Variants in PALS1 observed in about 807,000 individuals in gnomAD.
PALS1 encodes protein associated with LIN7 1, MAGUK p55 family member.
PALS1 carries 31 observed loss-of-function variants against 78.9 expected under a neutral mutation model. The ratio of observed to expected loss-of-function variants is 0.39; its 90% confidence interval spans 0.30 to 0.53. The LOEUF (loss-of-function observed/expected upper bound fraction) is 0.53. Ranked by LOEUF, PALS1 falls within the 20% of genes least tolerant of loss-of-function variation. PALS1 has a pLI of 0.67. For missense variants in PALS1, 704 were observed against 826.5 expected, an observed-to-expected ratio of 0.85 and a Z score of 1.82; for synonymous variants, 276 against 270.9, an observed-to-expected ratio of 1.02 and a Z score of -0.18.
At position 67,323,826 on chromosome 14, in the gene PALS1, A is replaced by G. The variant is rs765212333; in HGVS notation, c.1851+14A>G. ...AAGAATCCAAAGGTAAAGTTTTCAC[A>G]CTATTGTACTATTCCATTGAAGGTA... On this transcript the variant is annotated intron_variant, in intron 14 of 14. Coordinates refer to ENST00000261681, the MANE Select transcript of PALS1 (RefSeq NM_022474.4). The G allele has an allele frequency of 1.6e-6, 2 of 1,287,886 alleles. No individual in the cohort carries two copies. Among genetic ancestry groups the G allele is most frequent in the Non-Finnish European group, 1.1e-6 (1 of 902,408 alleles). 79.8% of individuals were successfully genotyped at this position (1,287,886 alleles called of 1,614,324 possible).
intron 8 of PALS1, among the ~76,000 whole-genome samples, chr14:67,304,675 G>C (rs1028100960): frequency 6.6e-6 from 1 of 152,180 alleles, no homozygotes; most frequent in Admixed American, 6.5e-5. Context: ...TCAGTACCAA[G>C]TTTCTTTTTG....
At chr14:67,281,220 C>T (rs1231518954) in intron 3 of PALS1, among the ~76,000 whole-genome samples, 1 of 152,022 alleles carries the variant, frequency 6.6e-6, no homozygotes, top group Non-Finnish European at 1.5e-5. Flanking sequence ...GTTTCTACTA[C>T]ATCACATCAT....
Position 67,285,615 on chromosome 14 carries a change from G to A in PALS1, c.367+6078G>A, listed in dbSNP as rs1437406676. Reference sequence around the variant, plus strand: ...CGATCTCTGATCTCCTGATCCAGCCGCCTCGGTCTCCCAAAGTACTGGGAT... The same window carrying A: ...CGATCTCTGATCTCCTGATCCAGCCACCTCGGTCTCCCAAAGTACTGGGAT... On this transcript the variant is annotated intron_variant, in intron 3 of 14. Transcript: ENST00000261681. Among the ~76,000 whole-genome samples the A allele has an allele frequency of 5.9e-5, 9 of 152,132 alleles. 2 individuals are homozygous for A. Among genetic ancestry groups the A allele is most frequent in the Middle Eastern group, 3.4e-3 (1 of 294 alleles).
chr14:67,247,173 A>G (rs765709054), intron 1 of PALS1, among the ~76,000 whole-genome samples: 27 of 152,216 alleles, frequency 1.8e-4, no homozygotes, highest in Admixed American at 1.1e-3. Context: ...CTTCTCATCT[A>G]TGAACATGCT....
chr14:67,269,131 G>A (rs937966646), intron 1 of PALS1, among the ~76,000 whole-genome samples: 4 of 152,102 alleles, frequency 2.6e-5, no homozygotes, highest in African/African-American at 9.7e-5. Context: ...GTATGTGGTC[G>A]TGGTCCTTTG....
At chr14:67,301,195 T>G (rs1260866242) in intron 4 of PALS1, among the ~76,000 whole-genome samples, 194 bp from the exon 5 acceptor site, 10 of 152,086 alleles carry the variant, frequency 6.6e-5, no homozygotes, top group Non-Finnish European at 1.5e-5. Flanking sequence ...TTATTTAGTG[T>G]TTTTTTAATA....
At chr14:67,245,204 T>C (rs1001741080) in intron 1 of PALS1, among the ~76,000 whole-genome samples, 1 of 152,250 alleles carries the variant, frequency 6.6e-6, no homozygotes, top group African/African-American at 2.4e-5. Flanking sequence ...TTTGTTACAT[T>C]GGCATAGGAA....
intron 1 of PALS1, among the ~76,000 whole-genome samples, chr14:67,269,041 C>A (rs1423300885): frequency 6.6e-6 from 1 of 152,174 alleles, no homozygotes; most frequent in Non-Finnish European, 1.5e-5. Context: ...CCATTCACCC[C>A]CAGTTTTAGG....
chr14:67,300,197 G>C (rs761708509), intron 4 of PALS1, among the ~76,000 whole-genome samples: 1 of 152,104 alleles, frequency 6.6e-6, no homozygotes, highest in Non-Finnish European at 1.5e-5. Flanking sequence ...TACTGTCATT[G>C]CTTTGATCCA....
At chr14:67,276,159 C>T (rs1595577777) in intron 2 of PALS1, among the ~76,000 whole-genome samples, 1 of 151,796 alleles carries the variant, frequency 6.6e-6, no homozygotes, top group East Asian at 2.0e-4. Flanking sequence ...TCATGTCATC[C>T]TCTGCTTAAA....
chr14:67,310,906 CTCATTTTAGTCA>C, intron 8 of PALS1, among the ~76,000 whole-genome samples: 1 of 152,098 alleles, frequency 6.6e-6, no homozygotes, highest in Non-Finnish European at 1.5e-5. Flanking sequence ...ATCGACAGTA[CTCATTTTAGTCA>C]GTGTCTCAAG....
chr14:67,290,462 G>T (rs2084755288), intron 3 of PALS1, among the ~76,000 whole-genome samples: 1 of 152,148 alleles, frequency 6.6e-6, no homozygotes, highest in African/African-American at 2.4e-5. Context: ...GAGTGCAGTA[G>T]CGTGATCATG....
intron 3 of PALS1, among the ~76,000 whole-genome samples, chr14:67,287,545 T>G (rs1409770846): frequency 6.6e-6 from 1 of 152,194 alleles, no homozygotes; most frequent in Middle Eastern, 3.2e-3. Flanking sequence ...ATTAAAAGAT[T>G]GATAATTCTT....
intron 7 of PALS1, 58 bp downstream of exon 7, chr14:67,302,629 TTAGAA>T (rs2084947903): frequency 2.4e-6 from 3 of 1,259,982 alleles, no homozygotes; most frequent in Non-Finnish European, 3.1e-6. Flanking sequence ...TTATTAGACT[TTAGAA>T]TAAAATATTT....
At chr14:67,279,657 C>T in intron 3 of PALS1, 120 bp downstream of exon 3, 1 of 998,198 alleles carries the variant, frequency 1.0e-6, no homozygotes, top group Non-Finnish European at 1.4e-6. Flanking sequence ...GAATTCCAGA[C>T]CAAGATCCTT....
intron 4 of PALS1, 27 bp from the exon 5 acceptor site, chr14:67,301,362 A>G: frequency 6.5e-7 from 1 of 1,542,028 alleles, no homozygotes; most frequent in Non-Finnish European, 8.9e-7. Flanking sequence ...TAATCTAGGA[A>G]GAATAATCTT....
intron 1 of PALS1, chr14:67,254,358 T>A (rs1197792244): frequency 6.6e-6 from 1 of 152,124 alleles, no homozygotes; most frequent in South Asian, 2.1e-4. Flanking sequence ...AGTATAGTTA[T>A]CTTATAGATT....
intron 3 of PALS1, among the ~76,000 whole-genome samples, chr14:67,282,407 C>G (rs978338837): frequency 5.9e-5 from 9 of 152,090 alleles, no homozygotes; most frequent in Non-Finnish European, 2.9e-5. Flanking sequence ...AGGAAGCCTT[C>G]AGTTTCTAAA....
At chr14:67,301,951 C>T (rs749627874) in intron 5 of PALS1, 21 bp from the exon 6 acceptor site, 2 of 1,580,130 alleles carry the variant, frequency 1.3e-6, no homozygotes, top group Non-Finnish European at 1.7e-6. Flanking sequence ...ACTTAAAATG[C>T]CATGGATTTC....
Sources: allele counts gnomAD v4.1 joint callset (sites outside exome capture counted in the v4.1 genomes callset), GRCh38; gene constraint gnomAD v4.1.1; transcripts MANE v1.5; gene names NCBI Gene and HGNC (gene_info 2026-07-23, HGNC 2026-07-21).